XIRP2: variants seen among roughly 807,000 people sequenced by gnomAD.
XIRP2 encodes the protein xin actin binding repeat containing 2, also known as xin actin-binding repeat-containing protein 2.
A neutral mutation model predicts 277.0 loss-of-function variants in XIRP2; 236 were observed. The ratio of observed to expected loss-of-function variants is 0.85; its 90% CI spans 0.77 to 0.95. The LOEUF is 0.95. XIRP2 is among the 40% of genes least tolerant of loss of function. XIRP2 has a pLI of 0.00. For synonymous variants in XIRP2, 1,490 were observed against 1,416.5 expected (o/e 1.05, Z -1.17); for missense variants, 4,640 against 4,157.5 (o/e 1.12, Z -3.19).
chr2:167,028,145 A>G (rs552302953), intron 2 of XIRP2, among the ~76,000 whole-genome samples: 3 of 152,214 alleles, frequency 2.0e-5, no homozygotes, highest in African/African-American at 4.8e-5. Context: ...TTTCAAACTT[A>G]CAAATATCTA....
In XIRP2 at chr2:167,047,761, C is replaced by A. The variant is rs12611816; in HGVS notation, c.409-88148C>A. ...TATTTTGATTTCTTTATGGCTATGC[C>A]AAGATGGCTTTGAACTATTGTGAAT... On this transcript the variant is annotated intron_variant, in intron 2 of 10. Transcript: ENST00000409195. Among the ~76,000 whole-genome samples, 15 of 151,932 alleles carry A rather than the reference C, an allele frequency of 9.9e-5. No homozygotes were observed. The East Asian group carries it at 2.9e-3, about 29-fold the overall frequency.
At chr2:167,005,388 C>T (rs1042774877) in intron 2 of XIRP2, among the ~76,000 whole-genome samples, 1 of 151,774 alleles carries the variant, frequency 6.6e-6, no homozygotes, top group African/African-American at 2.4e-5. Context: ...AGGGAACCTT[C>T]TAGACAACAC....
chr2:166,895,318 T>C (rs957177220), intron 1 of XIRP2, among the ~76,000 whole-genome samples: 1 of 152,198 alleles, frequency 6.6e-6, no homozygotes, highest in African/African-American at 2.4e-5. Context: ...CAATTTGCAA[T>C]TTTTTGTTTC....
chr2:167,217,320 G>T (rs6731283), intron 4 of XIRP2, among the ~76,000 whole-genome samples: 61,875 of 151,302 alleles, frequency 0.41, 16,318 homozygotes, highest in African/African-American at 0.76. Flanking sequence ...TTTTCTCATT[G>T]GTGAAATGAC....
At chr2:166,950,060 T>A (rs529186118) in intron 2 of XIRP2, among the ~76,000 whole-genome samples, 1 of 152,196 alleles carries the variant, frequency 6.6e-6, no homozygotes, top group East Asian at 1.9e-4. Flanking sequence ...GTATAAATAG[T>A]ACTAGTGTAG....
intron 2 of XIRP2, among the ~76,000 whole-genome samples, chr2:166,939,280 A>T (rs1685620861): frequency 6.6e-6 from 1 of 152,262 alleles, no homozygotes; most frequent in Non-Finnish European, 1.5e-5. Context: ...CTTTTAGGGC[A>T]GGCCTGGTGG....
At chr2:166,947,007 A>T (rs1017557057) in intron 2 of XIRP2, among the ~76,000 whole-genome samples, 2 of 152,270 alleles carry the variant, frequency 1.3e-5, no homozygotes, top group Admixed American at 6.5e-5. Context: ...ATTGTATCTG[A>T]TAACACTGAA....
At chr2:167,106,351 A>G (rs923081651) in intron 2 of XIRP2, among the ~76,000 whole-genome samples, 1 of 151,726 alleles carries the variant, frequency 6.6e-6, no homozygotes, top group East Asian at 1.9e-4. Flanking sequence ...TTTTTAGGGA[A>G]GTTTAACTAG....
chr2:167,257,803 C>T (rs1209934255), intron 10 of XIRP2, 54 bp from the exon 11 acceptor site: 8 of 1,509,262 alleles, frequency 5.3e-6, no homozygotes, highest in Non-Finnish European at 3.6e-6. Flanking sequence ...TCCCCAATTC[C>T]CTATGAACTT....
At chr2:167,150,434 A>C (rs1028197641) in intron 3 of XIRP2, among the ~76,000 whole-genome samples, 2 of 152,088 alleles carry the variant, frequency 1.3e-5, no homozygotes, top group Non-Finnish European at 1.5e-5. Context: ...ACATGAGTAC[A>C]ATTATCAATG....
chr2:166,930,123 A>T (rs2105367430), intron 2 of XIRP2, among the ~76,000 whole-genome samples: 1 of 152,266 alleles, frequency 6.6e-6, no homozygotes, highest in East Asian at 1.9e-4. Flanking sequence ...AATGTTCTAG[A>T]TCTGGGTGAG....
chr2:166,961,339 C>A (rs1210531234), intron 2 of XIRP2, among the ~76,000 whole-genome samples: 1 of 151,706 alleles, frequency 6.6e-6, no homozygotes, highest in Non-Finnish European at 1.5e-5. Context: ...CAGAACATTT[C>A]TTGGAGATTT....
intron 4 of XIRP2, among the ~76,000 whole-genome samples, chr2:167,213,354 T>C (rs1387433465): frequency 6.6e-6 from 1 of 152,228 alleles, no homozygotes; most frequent in Non-Finnish European, 1.5e-5. Context: ...CCCAAGGTTT[T>C]AATTGTCAGG....
chr2:167,112,638 TATAG>T (rs199799412), intron 2 of XIRP2, among the ~76,000 whole-genome samples: 2,130 of 149,848 alleles, frequency 0.014, 55 homozygotes, highest in African/African-American at 0.05. Context: ...TATGTATATA[TATAG>T]AGAGAGATTT....
intron 2 of XIRP2, among the ~76,000 whole-genome samples, chr2:167,000,769 G>A: frequency 6.6e-6 from 1 of 151,984 alleles, no homozygotes; most frequent in East Asian, 1.9e-4. Context: ...TGGACATTGG[G>A]ACATTACTGT....
At position 167,140,697 on chromosome 2, in the gene XIRP2, A is replaced by T. The variant is rs532531163; in HGVS notation, c.562+4635A>T. On this transcript the variant is annotated intron_variant, in intron 3 of 10. Coordinates refer to ENST00000409195, the MANE Select transcript of XIRP2 (RefSeq NM_152381.6). Reference sequence around the variant, plus strand: ...TACAGGAGACATTTCATTAGGAAAAATATTGTCAGTGGATCACCATCTAAA... The same window carrying T: ...TACAGGAGACATTTCATTAGGAAAATTATTGTCAGTGGATCACCATCTAAA... 4 of 152,182 alleles carry T rather than the reference A, an allele frequency of 2.6e-5. No individual in the cohort carries two copies. The East Asian group carries it at 7.7e-4, about 29-fold the overall frequency. 9.4% of individuals were successfully genotyped at this position (152,182 alleles called of 1,614,324 possible).
chr2:167,119,978 A>G (rs1225204025), intron 2 of XIRP2, among the ~76,000 whole-genome samples: 1 of 152,186 alleles, frequency 6.6e-6, no homozygotes, highest in African/African-American at 2.4e-5. Context: ...TATATTAAAA[A>G]TAGCTGTTGT....
chr2:166,916,281 G>A (rs1216765438), intron 2 of XIRP2, among the ~76,000 whole-genome samples: 1 of 152,106 alleles, frequency 6.6e-6, no homozygotes, highest in Admixed American at 6.6e-5. Flanking sequence ...CAGACATGTG[G>A]GACTAGGGGA....
At chr2:167,044,933 A>C (rs1475662797) in intron 2 of XIRP2, among the ~76,000 whole-genome samples, 2 of 151,998 alleles carry the variant, frequency 1.3e-5, no homozygotes, top group Non-Finnish European at 2.9e-5. Context: ...AAAAGAACTC[A>C]AATGCCTAAA....
Sources: gnomAD v4.1 joint callset for allele counts (sites outside exome capture counted in the v4.1 genomes callset) on GRCh38, gnomAD v4.1.1 for gene constraint, MANE v1.5 for transcripts, NCBI Gene and HGNC (gene_info 2026-07-23, HGNC 2026-07-21) for gene names.